The following COX8A variants were observed in gnomAD, a reference collection of about 807,000 sequenced individuals.
COX8A encodes the protein cytochrome c oxidase subunit 8A.
A neutral mutation model predicts 4.4 loss-of-function variants in COX8A; 6 were observed. The ratio of observed to expected loss-of-function variants is 1.36; its 90% CI spans 0.74 to 2.68. COX8A has a LOEUF of 2.68. Ranked by LOEUF, COX8A falls within the 30% of genes most tolerant of loss-of-function variation. COX8A has a pLI of 0.00. For synonymous variants in COX8A, 53 were observed against 47.1 expected, an observed-to-expected ratio of 1.12 and a Z score of -0.51; for missense variants, 72 against 89.6, an observed-to-expected ratio of 0.80 and a Z score of 0.79.
Position 63,974,690 on chromosome 11 carries a change from C to T in COX8A, c.10C>T (p.Leu4=). The T allele has an allele frequency of 6.2e-7, 1 of 1,607,468 alleles. No individual in the cohort carries two copies. Among genetic ancestry groups the T allele is most frequent in the Non-Finnish European group, 8.5e-7 (1 of 1,176,866 alleles). MSV[L]TPLLLRGLTG... is the part of the protein sequence containing the mutation. ...TGTACTCCGTGCCATCATGTCCGTC[C>T]TGACGCCGCTGCTGCTGCGGGGCTT... The change falls in exon 1 of 2, where the codon CTG becomes TTG. Residue 4 remains leucine, a synonymous_variant. Transcript: ENST00000314133.
chr11:63,976,324 G>A lies in COX8A; in HGVS notation c.*4G>A, dbSNP rs1942540520. On this transcript the variant is annotated 3_prime_UTR_variant, in exon 2 of 2. Coordinates refer to ENST00000314133, the MANE Select transcript of COX8A (RefSeq NM_004074.3). ...GACCTACAGGAGGCCAGAGTGAAGG[G>A]GTCCGTTCTGTCCCTCACACTGTGA... is the stretch of plus-strand genomic sequence containing the variant. 6.2e-7 allele frequency: 1 copy of A among 1,613,686 alleles called. No individual in the cohort carries two copies. The highest frequency in any genetic ancestry group is 8.5e-7 in the Non-Finnish European group (1 of 1,179,656).
intron 1 of COX8A, 52 bp from the exon 2 acceptor site, chr11:63,976,173 A>G: frequency 6.5e-7 from 1 of 1,538,856 alleles, no homozygotes; most frequent in African/African-American, 1.4e-5. Context: ...GGACTTAGAG[A>G]GCCTAGGGGA....
rs749046278 is a variant in COX8A, at chr11:63,974,764, G to A, written c.84G>A (p.Ser28=). The change falls in exon 1 of 2, where the codon TCG becomes TCA. Residue 28 remains serine (S), a synonymous_variant. Coordinates refer to ENST00000314133, the MANE Select transcript of COX8A (RefSeq NM_004074.3). ...RLPVPRAKIH[S]LPPEGKLGIM... is the part of the protein sequence containing the mutation. The stretch of plus-strand genomic sequence containing the variant: ...CAGTGCCGCGCGCCAAGATCCATTC[G>A]TTGCCGCCGGAGGGGAAGCTTGGGA... 2 of 1,608,192 alleles carry A rather than the reference G, an allele frequency of 1.2e-6. No homozygotes were observed. Among genetic ancestry groups the A allele is most frequent in the East Asian group, 2.2e-5 (1 of 44,690 alleles).
intron 1 of COX8A, 91 bp downstream of exon 1, chr11:63,974,885 C>T: frequency 8.4e-7 from 1 of 1,191,124 alleles, no homozygotes; most frequent in Non-Finnish European, 1.2e-6. Context: ...ATGCCTCGCG[C>T]CCCGCAGCGT....
intron 1 of COX8A, among the ~76,000 whole-genome samples, chr11:63,975,880 C>T (rs748880017): frequency 6.6e-6 from 1 of 152,236 alleles, no homozygotes; most frequent in Admixed American, 6.5e-5. Context: ...ATGCCCGGCC[C>T]AGACCAGCTT....
At position 63,974,707 on chromosome 11, in the gene COX8A, G is replaced by A; in HGVS notation, c.27G>A (p.Leu9=). 1 of 1,610,260 alleles carries A rather than the reference G, an allele frequency of 6.2e-7. No individual in the cohort carries two copies. The change falls in exon 1 of 2, where the codon CTG becomes CTA. Residue 9 remains leucine, a synonymous_variant. Coordinates refer to ENST00000314133, the MANE Select transcript of COX8A (RefSeq NM_004074.3). The stretch of plus-strand genomic sequence containing the variant: ...TGTCCGTCCTGACGCCGCTGCTGCT[G>A]CGGGGCTTGACAGGCTCGGCCCGGC... The part of the protein sequence containing the change: MSVLTPLL[L]RGLTGSARRL...
intron 1 of COX8A, among the ~76,000 whole-genome samples, chr11:63,975,218 C>T (rs1438139357): frequency 6.6e-6 from 1 of 152,104 alleles, no homozygotes; most frequent in African/African-American, 2.4e-5. Flanking sequence ...CTCGCTCTGT[C>T]GCCAGGCTGG....
chr11:63,974,711 G>T lies in COX8A; in HGVS notation c.31G>T (p.Gly11Cys), dbSNP rs199919249. ...CGTCCTGACGCCGCTGCTGCTGCGG[G>T]GCTTGACAGGCTCGGCCCGGCGGCT... is the stretch of plus-strand genomic sequence containing the variant. Reference protein sequence around the residue: MSVLTPLLLRGLTGSARRLPV... With the variant: MSVLTPLLLRCLTGSARRLPV... Residue 11 changes from glycine (G) to cysteine (C), a missense_variant, in exon 1 of 2, where the codon GGC becomes TGC. Coordinates refer to ENST00000314133, the MANE Select transcript of COX8A (RefSeq NM_004074.3). The T allele has an allele frequency of 1.9e-6, 3 of 1,610,296 alleles. No homozygotes were observed. The East Asian group carries it at 6.7e-5, about 36-fold the overall frequency.
At position 63,975,006 on chromosome 11, in the gene COX8A, G is replaced by A. The variant is rs761284708; in HGVS notation, c.114+212G>A. On this transcript the variant is annotated intron_variant, in intron 1 of 1. Transcript: ENST00000314133. ...CGTTAGGTCTTTCCCCACAGCCCCAGGATCTCGGGTCTGGTCCTGTCAGGC... is the reference window on the plus strand; with the variant it reads ...CGTTAGGTCTTTCCCCACAGCCCCAAGATCTCGGGTCTGGTCCTGTCAGGC... 1.2e-3 allele frequency among the ~76,000 whole-genome samples: 186 copies of A among 152,260 alleles called. 1 individual carries two copies. Among genetic ancestry groups the A allele is most frequent in the Non-Finnish European group, 2.3e-3 (159 of 68,022 alleles).
At chr11:63,975,687 TCTC>T (rs1942534055) in intron 1 of COX8A, among the ~76,000 whole-genome samples, 1 of 151,866 alleles carries the variant, frequency 6.6e-6, no homozygotes, top group African/African-American at 2.4e-5. Flanking sequence ...GCCAAGCCAT[TCTC>T]CTGCCTCAGT....
At position 63,975,815 on chromosome 11, in the gene COX8A, T is replaced by C. The variant is rs147981793; in HGVS notation, c.115-410T>C. Among the ~76,000 whole-genome samples the C allele has an allele frequency of 5.4e-3, 820 of 151,784 alleles. 5 individuals carry two copies. Among genetic ancestry groups the C allele is most frequent in the Non-Finnish European group, 9.6e-3 (651 of 67,872 alleles). On this transcript the variant is annotated intron_variant, in intron 1 of 1. Transcript: ENST00000314133. ...CAGGCTGGTCTCTAACTCCTGACCT[T>C]GTGATCCGCCCGCCTTGGCCTCCCA...
rs1368136830 is a variant in COX8A, at chr11:63,974,670, T to A, written c.-11T>A. The stretch of plus-strand genomic sequence containing the variant: ...CGGCTGACCGTTTTTTGTGGTGTAC[T>A]CCGTGCCATCATGTCCGTCCTGACG... On this transcript the variant is annotated 5_prime_UTR_variant, in exon 1 of 2. Transcript: ENST00000314133. 6.3e-7 allele frequency: 1 copy of A among 1,598,112 alleles called. No homozygotes were observed. Among genetic ancestry groups the A allele is most frequent in the Admixed American group, 1.7e-5 (1 of 57,852 alleles).
chr11:63,976,234 G>C lies in COX8A; in HGVS notation c.124G>C (p.Val42Leu), dbSNP rs550927126. 5 of 1,614,024 alleles carry C rather than the reference G, an allele frequency of 3.1e-6. No individual in the cohort carries two copies. Among genetic ancestry groups the C allele is most frequent in the Non-Finnish European group, 4.2e-6 (5 of 1,180,022 alleles). The change falls in exon 2 of 2, where the codon GTT (valine) becomes CTT (leucine). Residue 42 changes from valine (V) to leucine (L), a missense_variant. Transcript: ENST00000314133. Reference sequence around the variant, plus strand: ...CTTGTGCTCTGTGTAGGAATTGGCCGTTGGGCTTACCTCCTGCTTCGTGAC... The same window carrying C: ...CTTGTGCTCTGTGTAGGAATTGGCCCTTGGGCTTACCTCCTGCTTCGTGAC... ...EGKLGIMELA[V>L]GLTSCFVTFL...
intron 1 of COX8A, among the ~76,000 whole-genome samples, chr11:63,975,048 C>T (rs1177078456): frequency 6.6e-6 from 1 of 152,212 alleles, no homozygotes; most frequent in Non-Finnish European, 1.5e-5. Flanking sequence ...TCTCCTGTCG[C>T]CTCCTCGCTG....
chr11:63,974,675 G>T lies in COX8A; in HGVS notation c.-6G>T. ...GACCGTTTTTTGTGGTGTACTCCGT[G>T]CCATCATGTCCGTCCTGACGCCGCT... On this transcript the variant is annotated 5_prime_UTR_variant, in exon 1 of 2. Coordinates refer to ENST00000314133, the MANE Select transcript of COX8A (RefSeq NM_004074.3). The T allele has an allele frequency of 6.2e-7, 1 of 1,602,160 alleles. No individual in the cohort carries two copies. Among genetic ancestry groups the T allele is most frequent in the Non-Finnish European group, 8.5e-7 (1 of 1,173,950 alleles).
chr11:63,974,656 T>A lies in COX8A; in HGVS notation c.-25T>A. The A allele has an allele frequency of 1.3e-6, 2 of 1,585,806 alleles. No homozygotes were observed. Among genetic ancestry groups the A allele is most frequent in the Non-Finnish European group, 1.7e-6 (2 of 1,164,688 alleles). On this transcript the variant is annotated 5_prime_UTR_variant, in exon 1 of 2. Coordinates refer to ENST00000314133, the MANE Select transcript of COX8A (RefSeq NM_004074.3). Reference sequence around the variant, plus strand: ...CTGACCTTGGGCTACGGCTGACCGTTTTTTGTGGTGTACTCCGTGCCATCA... The same window carrying A: ...CTGACCTTGGGCTACGGCTGACCGTATTTTGTGGTGTACTCCGTGCCATCA...
In COX8A at chr11:63,974,702, C is replaced by G. The variant is rs7130187; in HGVS notation, c.22C>G (p.Leu8Val). Reference protein sequence around the residue: MSVLTPLLLRGLTGSARR... With the variant: MSVLTPLVLRGLTGSARR... Reference sequence around the variant, plus strand: ...CATCATGTCCGTCCTGACGCCGCTGCTGCTGCGGGGCTTGACAGGCTCGGC... The same window carrying G: ...CATCATGTCCGTCCTGACGCCGCTGGTGCTGCGGGGCTTGACAGGCTCGGC... The change falls in exon 1 of 2, where the codon CTG becomes GTG. Residue 8 changes from leucine to valine, a missense_variant. Coordinates refer to ENST00000314133, the MANE Select transcript of COX8A (RefSeq NM_004074.3). 2.5e-6 allele frequency: 4 copies of G among 1,609,626 alleles called. No individual in the cohort carries two copies. The highest frequency in any genetic ancestry group is 1.7e-5 in the Admixed American group (1 of 59,492).
At position 63,976,454 on chromosome 11, in the gene COX8A, C is replaced by A; in HGVS notation, c.*134C>A. On this transcript the variant is annotated 3_prime_UTR_variant, in exon 2 of 2. Coordinates refer to ENST00000314133, the MANE Select transcript of COX8A (RefSeq NM_004074.3). Reference sequence around the variant, plus strand: ...CAGTCACCTCTTCTGCAATCATGACCTCTTGATGTCTCCATGGTGACCTCC... The same window carrying A: ...CAGTCACCTCTTCTGCAATCATGACATCTTGATGTCTCCATGGTGACCTCC... 1.3e-6 allele frequency: 1 copy of A among 772,002 alleles called. No individual in the cohort carries two copies. Among genetic ancestry groups the A allele is most frequent in the South Asian group, 1.6e-5 (1 of 62,670 alleles). The allele number at this position is 772,002 out of a possible 1,614,324, so 47.8% of individuals were successfully genotyped here.
At position 63,974,621 on chromosome 11, in the gene COX8A, T is replaced by C. The variant is rs1346090975; in HGVS notation, c.-60T>C. ...CCAGAACTTCCGGCCAGCGCAGCCA[T>C]TTTGGCTTCCTGACCTTGGGCTACG... is the stretch of plus-strand genomic sequence containing the variant. On this transcript the variant is annotated 5_prime_UTR_variant, in exon 1 of 2. Coordinates refer to ENST00000314133, the MANE Select transcript of COX8A (RefSeq NM_004074.3). 4.7e-6 allele frequency: 7 copies of C among 1,502,386 alleles called. No homozygotes were observed. The Admixed American group carries it at 1.4e-4, about 29-fold the overall frequency. 93.1% of individuals were successfully genotyped at this position (1,502,386 alleles called of 1,614,324 possible). A position where few individuals can be genotyped will look rare whatever the true frequency, so the allele number is the denominator to read the frequency against.
Sources: allele counts gnomAD v4.1 joint callset (sites outside exome capture counted in the v4.1 genomes callset), GRCh38; gene constraint gnomAD v4.1.1; transcripts MANE v1.5; gene names NCBI Gene and HGNC (gene_info 2026-07-23, HGNC 2026-07-21).